GFOD2: variants seen among roughly 807,000 people sequenced by gnomAD.
GFOD2 encodes Gfo/Idh/MocA-like oxidoreductase domain containing 2.
A neutral mutation model predicts 24.6 loss-of-function variants in GFOD2; 9 were observed. The observed-to-expected ratio is 0.37, with a 90% CI of 0.22 to 0.64. The LOEUF is 0.64. Among genes scored for constraint, GFOD2 ranks in the 30% least tolerant of loss-of-function variants. GFOD2 has a pLI of 0.65. For synonymous variants in GFOD2, 211 were observed against 224.8 expected, an observed-to-expected ratio of 0.94 and a Z score of 0.55; for missense variants, 476 against 532.5, an observed-to-expected ratio of 0.89 and a Z score of 1.04.
chr16:67,675,752 G>A lies in GFOD2; in HGVS notation c.561C>T (p.Thr187=). The A allele has an allele frequency of 2.5e-6, 4 of 1,614,108 alleles. No individual in the cohort carries two copies. The highest frequency in any genetic ancestry group is 2.5e-6 in the Non-Finnish European group (3 of 1,180,028). Residue 187 remains threonine, a synonymous_variant, in exon 3 of 3, where the codon ACC becomes ACT. Coordinates refer to ENST00000268797, the MANE Select transcript of GFOD2 (RefSeq NM_030819.4). ...TCTCGGCTCTCCGGCCGGTCAGGTG[G>A]GTCAGCAGGTCCACAATGTAGGTCC... ...TMGTYIVDLL[T]HLTGRRAEKV...
At chr16:67,683,006 A>G (rs544026116) in intron 2 of GFOD2, 1 of 303,440 alleles carries the variant, frequency 3.3e-6, no homozygotes, top group African/African-American at 2.3e-5. Context: ...TTACTCTGTC[A>G]CTCAAGCTGG....
chr16:67,709,639 G>A (rs976907351), intron 1 of GFOD2, among the ~76,000 whole-genome samples: 1 of 152,102 alleles, frequency 6.6e-6, no homozygotes. Flanking sequence ...TTATTATAAT[G>A]GAGTCTCACT....
intron 2 of GFOD2, chr16:67,683,802 A>C: frequency 8.2e-7 from 1 of 1,225,544 alleles, no homozygotes; most frequent in Non-Finnish European, 1.0e-6. Flanking sequence ...AGTGGAGGAC[A>C]ACCTCATGGC....
intron 2 of GFOD2, chr16:67,681,611 T>A (rs1175812210): frequency 1.7e-6 from 1 of 599,920 alleles, no homozygotes; most frequent in Non-Finnish European, 2.1e-6. Flanking sequence ...GATTTCATCA[T>A]GTTGCTCAGG....
intron 1 of GFOD2, among the ~76,000 whole-genome samples, chr16:67,687,071 C>T (rs1445741145): frequency 1.3e-5 from 2 of 149,554 alleles, no homozygotes; most frequent in African/African-American, 4.9e-5. Flanking sequence ...TCACTTGAAC[C>T]TGGGAGGTGA....
chr16:67,694,704 T>C (rs1487703382), intron 1 of GFOD2, among the ~76,000 whole-genome samples: 1 of 152,190 alleles, frequency 6.6e-6, no homozygotes, highest in African/African-American at 2.4e-5. Flanking sequence ...GGATGGTTTG[T>C]CAGCATAGCC....
At chr16:67,708,456 T>G (rs918304827) in intron 1 of GFOD2, among the ~76,000 whole-genome samples, 2 of 152,292 alleles carry the variant, frequency 1.3e-5, no homozygotes, top group East Asian at 1.9e-4. Context: ...CTGGGCAGTG[T>G]GTCACACTGG....
rs1414621664 is a variant in GFOD2, at chr16:67,719,311, G to A, written c.-236C>T. On this transcript the variant is annotated 5_prime_UTR_variant, in exon 1 of 3. Coordinates refer to ENST00000268797, the MANE Select transcript of GFOD2 (RefSeq NM_030819.4). ...GCCGCCACCGGGAACGCGCCGCCTG[G>A]TTTCTAAGGAACTGGGGGCTCTGGA... 1 of 152,252 alleles carries A rather than the reference G, an allele frequency of 6.6e-6. No homozygotes were observed. Among genetic ancestry groups the A allele is most frequent in the African/African-American group, 2.4e-5 (1 of 41,446 alleles). 9.4% of individuals were successfully genotyped at this position (152,252 alleles called of 1,614,324 possible).
chr16:67,712,392 T>A, intron 1 of GFOD2, among the ~76,000 whole-genome samples: 1 of 136,502 alleles, frequency 7.3e-6, no homozygotes, highest in East Asian at 2.2e-4. Context: ...CCTGCCTGAT[T>A]CTCCTGCCTC....
intron 1 of GFOD2, among the ~76,000 whole-genome samples, chr16:67,692,507 G>A (rs2053322150): frequency 6.6e-6 from 1 of 152,002 alleles, no homozygotes; most frequent in African/African-American, 2.4e-5. Context: ...TTGAACCCAG[G>A]AAGCAGAGGT....
At chr16:67,715,969 C>T (rs541885573) in intron 1 of GFOD2, among the ~76,000 whole-genome samples, 6 of 152,304 alleles carry the variant, frequency 3.9e-5, no homozygotes, top group Non-Finnish European at 8.8e-5. Context: ...GATCACGCCA[C>T]TGTACTCCAG....
chr16:67,681,067 G>A, intron 2 of GFOD2: 1 of 985,484 alleles, frequency 1.0e-6, no homozygotes, highest in Non-Finnish European at 1.2e-6. Flanking sequence ...CTCCACACTT[G>A]TGGGCCTTCC....
chr16:67,691,519 A>ACCCCC (rs1567657230), intron 1 of GFOD2, among the ~76,000 whole-genome samples: 1 of 118,638 alleles, frequency 8.4e-6, no homozygotes, highest in African/African-American at 3.6e-5. Context: ...CCCCCCCCCA[A>ACCCCC]AAAAAAAAAA....
At chr16:67,710,822 T>C (rs2053468587) in intron 1 of GFOD2, among the ~76,000 whole-genome samples, 1 of 152,064 alleles carries the variant, frequency 6.6e-6, no homozygotes, top group Non-Finnish European at 1.5e-5. Context: ...TGACTATCAA[T>C]CCCCACTTGC....
chr16:67,700,100 G>A (rs892075163), intron 1 of GFOD2, among the ~76,000 whole-genome samples: 3 of 151,770 alleles, frequency 2.0e-5, no homozygotes, highest in Non-Finnish European at 4.4e-5. Flanking sequence ...TAGGCCAGGC[G>A]CGGTGGCTCA....
chr16:67,678,154 A>C (rs2053196390), intron 2 of GFOD2, among the ~76,000 whole-genome samples: 1 of 152,224 alleles, frequency 6.6e-6, no homozygotes, highest in African/African-American at 2.4e-5. Flanking sequence ...TAAATCTTGC[A>C]ACAAAAACTA....
chr16:67,700,651 G>A (rs1172504049), intron 1 of GFOD2, among the ~76,000 whole-genome samples: 1 of 143,170 alleles, frequency 7.0e-6, no homozygotes, highest in Non-Finnish European at 1.6e-5. Flanking sequence ...GGTAGAGGTT[G>A]CAGTGAACTG....
intron 2 of GFOD2, chr16:67,683,064 G>A (rs2053240404): frequency 1.6e-5 from 6 of 374,318 alleles, no homozygotes; most frequent in Admixed American, 6.4e-5. Flanking sequence ...GGGCTCAAGC[G>A]ATCCTTCTGC....
chr16:67,694,693 G>A (rs1236118518), intron 1 of GFOD2, among the ~76,000 whole-genome samples: 2 of 152,108 alleles, frequency 1.3e-5, no homozygotes, highest in African/African-American at 4.8e-5. Flanking sequence ...TCTATAGTAG[G>A]GGATGGTTTG....
Sources: gnomAD v4.1 joint callset for allele counts (sites outside exome capture counted in the v4.1 genomes callset) on GRCh38, gnomAD v4.1.1 for gene constraint, MANE v1.5 for transcripts, NCBI Gene and HGNC (gene_info 2026-07-23, HGNC 2026-07-21) for gene names.